Variants in ADHFE1 observed in about 807,000 individuals in gnomAD.
ADHFE1 encodes hydroxyacid-oxoacid transhydrogenase, mitochondrial.
ADHFE1 carries 37 observed loss-of-function variants against 54.8 expected under a neutral mutation model. The observed-to-expected ratio is 0.68, with a 90% CI of 0.52 to 0.89. ADHFE1 has a LOEUF of 0.89. Ranked by LOEUF, ADHFE1 falls within the 40% of genes least tolerant of loss-of-function variation. ADHFE1 has a pLI of 0.00. For missense variants in ADHFE1, 601 were observed against 591.2 expected (o/e 1.02, Z -0.17); for synonymous variants, 203 against 229.3 (o/e 0.89, Z 1.04).
At chr8:66,465,649 G>C (rs1807132985) in intron 13 of ADHFE1, among the ~76,000 whole-genome samples, 1 of 152,012 alleles carries the variant, frequency 6.6e-6, no homozygotes, top group Non-Finnish European at 1.5e-5. Flanking sequence ...CATCAGGCTG[G>C]AGTGCAGTGG....
intron 1 of ADHFE1, chr8:66,432,897 C>CA (rs1407604332): frequency 7.7e-6 from 9 of 1,163,360 alleles, no homozygotes; most frequent in Non-Finnish European, 8.5e-6. Flanking sequence ...TTCATGTATG[C>CA]AATTGACACA....
intron 6 of ADHFE1, 152 bp from the exon 7 acceptor site, chr8:66,447,112 T>A: frequency 1.8e-6 from 1 of 556,008 alleles, no homozygotes; most frequent in Non-Finnish European, 3.2e-6. Context: ...CATGTTAGGT[T>A]TCCATACATG....
At chr8:66,453,894 T>C in intron 9 of ADHFE1, 165 bp from the exon 10 acceptor site, 2 of 1,511,964 alleles carry the variant, frequency 1.3e-6, no homozygotes, top group Admixed American at 2.2e-5. Context: ...TTCCCTTCAG[T>C]TTTCATTTAG....
At position 66,468,353 on chromosome 8, in the gene ADHFE1, T is replaced by C. The variant is rs1264568371; in HGVS notation, c.*1T>C. The stretch of plus-strand genomic sequence containing the variant: ...TGAAGCTTCAATGAAACTGTATTAA[T>C]TGTCATTTTAACTGAAAGAATTACC... On this transcript the variant is annotated 3_prime_UTR_variant, in exon 14 of 14. Transcript: ENST00000396623. 1 of 1,611,512 alleles carries C rather than the reference T, an allele frequency of 6.2e-7. No individual in the cohort carries two copies. Among genetic ancestry groups the C allele is most frequent in the East Asian group, 2.2e-5 (1 of 44,798 alleles).
At chr8:66,446,380 A>G (rs1806023352) in intron 6 of ADHFE1, among the ~76,000 whole-genome samples, 1 of 152,250 alleles carries the variant, frequency 6.6e-6, no homozygotes, top group Non-Finnish European at 1.5e-5. Context: ...TTTTAGAGAC[A>G]GCAAATATGA....
At chr8:66,448,030 A>G (rs1035484341) in intron 7 of ADHFE1, among the ~76,000 whole-genome samples, 5 of 152,210 alleles carry the variant, frequency 3.3e-5, no homozygotes, top group African/African-American at 9.7e-5. Context: ...CCACCACTCC[A>G]GAAAGTTTCC....
At position 66,432,513 on chromosome 8, in the gene ADHFE1, C is replaced by T. The variant is rs1378014481; in HGVS notation, c.-4C>T. On this transcript the variant is annotated 5_prime_UTR_variant, in exon 1 of 14. Coordinates refer to ENST00000396623, the MANE Select transcript of ADHFE1 (RefSeq NM_144650.3). ...CCCGAGGAGGGAAGAGGACTCCAAGCGCCATGGCCGCTGCCGCCCGAGCCC... is the reference window on the plus strand; with the variant it reads ...CCCGAGGAGGGAAGAGGACTCCAAGTGCCATGGCCGCTGCCGCCCGAGCCC... 8.8e-6 allele frequency: 12 copies of T among 1,370,286 alleles called. No homozygotes were observed. Among genetic ancestry groups the T allele is most frequent in the South Asian group, 1.7e-5 (1 of 57,226 alleles). 84.9% of individuals were successfully genotyped at this position (1,370,286 alleles called of 1,614,324 possible).
chr8:66,464,356 A>G lies in ADHFE1; in HGVS notation c.1320+3891A>G, dbSNP rs369460114. ...AAACTCAGCTCAGGCTTGGCTTCAAATACTTCTAAGAGTCCTGCACCGCTC... is the reference window on the plus strand; with the variant it reads ...AAACTCAGCTCAGGCTTGGCTTCAAGTACTTCTAAGAGTCCTGCACCGCTC... On this transcript the variant is annotated intron_variant, in intron 13 of 13. Transcript: ENST00000396623. Among the ~76,000 whole-genome samples, 18 of 152,308 alleles carry G rather than the reference A, an allele frequency of 1.2e-4. No individual in the cohort carries two copies. In the South Asian group the frequency reaches 2.3e-3, roughly 19 times the overall value.
chr8:66,432,630 C>G, intron 1 of ADHFE1, 55 bp downstream of exon 1: 1 of 1,275,274 alleles, frequency 7.8e-7, no homozygotes, highest in Non-Finnish European at 9.9e-7. Flanking sequence ...ACGCAGCCCC[C>G]TGGGTGTGAC....
Position 66,445,420 on chromosome 8 carries a change from G to T in ADHFE1, c.550+6G>T. On this transcript the variant is annotated splice_donor_region_variant and intron_variant, in intron 6 of 13. Transcript: ENST00000396623. Reference sequence around the variant, plus strand: ...TCTTAAGCCTCTGATTGCAGGTAAAGACTGTTTATTTCTTTGTTTGTTTTA... The same window carrying T: ...TCTTAAGCCTCTGATTGCAGGTAAATACTGTTTATTTCTTTGTTTGTTTTA... 6.3e-7 allele frequency: 1 copy of T among 1,596,448 alleles called. No individual in the cohort carries two copies. The highest frequency in any genetic ancestry group is 8.5e-7 in the Non-Finnish European group (1 of 1,174,400).
At chr8:66,454,283 T>A in intron 10 of ADHFE1, 126 bp downstream of exon 10, 1 of 860,660 alleles carries the variant, frequency 1.2e-6, no homozygotes, top group Non-Finnish European at 1.7e-6. Flanking sequence ...AACTTTATGT[T>A]CCTAAATGTA....
chr8:66,447,381 A>T, intron 7 of ADHFE1, 40 bp downstream of exon 7: 1 of 1,413,916 alleles, frequency 7.1e-7, no homozygotes, highest in Non-Finnish European at 1.0e-6. Flanking sequence ...TTACCTTTCA[A>T]CTCCACACTC....
At chr8:66,468,155 T>TA (rs1279874644) in intron 13 of ADHFE1, 114 bp from the exon 14 acceptor site, 1 of 705,420 alleles carries the variant, frequency 1.4e-6, no homozygotes. Flanking sequence ...TTTTTAAAGA[T>TA]ATGGCGTTTA....
chr8:66,436,164 C>T (rs1249136511), intron 1 of ADHFE1, among the ~76,000 whole-genome samples: 2 of 152,088 alleles, frequency 1.3e-5, no homozygotes, highest in African/African-American at 4.8e-5. Flanking sequence ...GATCCACCAG[C>T]CTCAGCCTCC....
rs765749948 is a variant in ADHFE1, at chr8:66,460,312, C to T, written c.1167C>T (p.Ala389=). 3.1e-6 allele frequency: 5 copies of T among 1,613,920 alleles called. No homozygotes were observed. The highest frequency in any genetic ancestry group is 2.7e-5 in the African/African-American group (2 of 74,924). Residue 389 remains alanine (A), a synonymous_variant, in exon 13 of 14, where the codon GCC becomes GCT. Transcript: ENST00000396623. ...RHLEMAEILG[A]DTRTARIQDA... ...TCAGCACTTTATGTCTTCTAGGAGC[C>T]GACACCCGCACTGCCAGGATCCAAG...
chr8:66,447,443 A>ATTGGGGCTTATTCT, intron 7 of ADHFE1, 102 bp downstream of exon 7: 1 of 960,438 alleles, frequency 1.0e-6, no homozygotes, highest in Non-Finnish European at 1.6e-6. Flanking sequence ...CAGTTAGAAT[A>ATTGGGGCTTATTCT]AGCCCCAATA....
At chr8:66,447,212 C>A in intron 6 of ADHFE1, 52 bp from the exon 7 acceptor site, 1 of 1,528,998 alleles carries the variant, frequency 6.5e-7, no homozygotes, top group South Asian at 1.1e-5. Context: ...TTAGGTATCT[C>A]CACTAACCTT....
chr8:66,453,593 C>A, intron 9 of ADHFE1: 1 of 783,302 alleles, frequency 1.3e-6, no homozygotes, highest in Non-Finnish European at 1.9e-6. Context: ...AGAGGTGCAG[C>A]AACCACAGAT....
At chr8:66,446,665 C>T (rs1806044651) in intron 6 of ADHFE1, among the ~76,000 whole-genome samples, 1 of 152,180 alleles carries the variant, frequency 6.6e-6, no homozygotes. Context: ...TATGCAGAAG[C>T]AGGCAATATG....
Sources: allele counts gnomAD v4.1 joint callset (sites outside exome capture counted in the v4.1 genomes callset), GRCh38; gene constraint gnomAD v4.1.1; transcripts MANE v1.5; gene names NCBI Gene and HGNC (gene_info 2026-07-23, HGNC 2026-07-21).